Variants in APP observed in about 807,000 individuals in gnomAD.
APP encodes the protein amyloid beta precursor protein.
A neutral mutation model predicts 101.4 loss-of-function variants in APP; 31 were observed. That is an observed-to-expected ratio of 0.31 (90% CI 0.23 to 0.41). The LOEUF is 0.41. Ranked by LOEUF, APP falls within the 10% of genes least tolerant of loss-of-function variation. APP has a pLI of 1.00. For synonymous variants in APP, 366 were observed against 364.4 expected (o/e 1.00, Z -0.05); for missense variants, 839 against 1,003.7 (o/e 0.84, Z 2.22).
At chr21:26,118,678 G>A (rs1361253313) in intron 1 of APP, among the ~76,000 whole-genome samples, 2 of 152,096 alleles carry the variant, frequency 1.3e-5, no homozygotes, top group Non-Finnish European at 2.9e-5. Context: ...TTAACCTCCT[G>A]AGTAGCTGGG....
At chr21:26,052,134 G>T (rs1054497489) in intron 4 of APP, among the ~76,000 whole-genome samples, 2 of 152,094 alleles carry the variant, frequency 1.3e-5, no homozygotes, top group African/African-American at 4.8e-5. Context: ...ATCTTCAGTG[G>T]TATTTTCTGT....
chr21:26,053,272 G>A lies in APP; in HGVS notation c.432C>T (p.Cys144=), dbSNP rs199520480. 4.2e-5 allele frequency: 68 copies of A among 1,613,636 alleles called. No individual in the cohort carries two copies. The highest frequency in any genetic ancestry group is 1.6e-4 in the South Asian group (15 of 91,082). Residue 144 remains cysteine (C), a synonymous_variant, in exon 4 of 18, where the codon TGC becomes TGT. Transcript: ENST00000346798. ...KFLHQERMDV[C]ETHLHWHTVA... ...CGGTGTGCCAGTGAAGATGAGTTTC[G>A]CAAACATCCATCCTCTCCTGGTGTA...
chr21:26,121,319 C>T (rs1200011565), intron 1 of APP, among the ~76,000 whole-genome samples: 1 of 152,188 alleles, frequency 6.6e-6, no homozygotes, highest in Non-Finnish European at 1.5e-5. Context: ...ACTCCTCATA[C>T]CTGCACAGTT....
At chr21:25,883,859 C>T (rs1376657582) in intron 17 of APP, among the ~76,000 whole-genome samples, 1 of 152,172 alleles carries the variant, frequency 6.6e-6, no homozygotes, top group Non-Finnish European at 1.5e-5. Flanking sequence ...AGATATACAG[C>T]TCCCTCATCC....
chr21:26,033,776 C>A (rs958540335), intron 5 of APP, among the ~76,000 whole-genome samples: 1 of 152,118 alleles, frequency 6.6e-6, no homozygotes, highest in Admixed American at 6.6e-5. Context: ...GCTCGTGAAG[C>A]CTACTGAGAA....
intron 3 of APP, among the ~76,000 whole-genome samples, chr21:26,088,732 GA>G (rs2146106934): frequency 6.6e-6 from 1 of 152,154 alleles, no homozygotes; most frequent in South Asian, 2.1e-4. Context: ...TGCACTTTTT[GA>G]TGAACCAGAA....
At chr21:25,939,777 C>T (rs961367751) in intron 13 of APP, among the ~76,000 whole-genome samples, 1 of 151,916 alleles carries the variant, frequency 6.6e-6, no homozygotes, top group Admixed American at 6.6e-5. Flanking sequence ...ATCCTTAAAA[C>T]ACTTAAATTT....
intron 1 of APP, among the ~76,000 whole-genome samples, chr21:26,167,800 A>T (rs1277348128): frequency 1.3e-5 from 2 of 152,336 alleles, no homozygotes; most frequent in East Asian, 3.9e-4. Flanking sequence ...CAGTACTAAT[A>T]GCCTTGCAAA....
intron 8 of APP, chr21:25,997,105 A>G (rs955328782): frequency 1.9e-6 from 1 of 536,164 alleles, no homozygotes; most frequent in African/African-American, 1.9e-5. Flanking sequence ...ATAATATTCA[A>G]TAAAACCAGA....
intron 8 of APP, among the ~76,000 whole-genome samples, chr21:25,987,442 G>A (rs754750708): frequency 3.9e-5 from 6 of 152,172 alleles, no homozygotes; most frequent in Non-Finnish European, 8.8e-5. Context: ...ACATGCATAA[G>A]CTTTTAACTT....
In APP at chr21:25,890,251, A is replaced by G. The variant is rs563508901; in HGVS notation, c.2211+1471T>C. On this transcript the variant is annotated intron_variant, in intron 17 of 17. Transcript: ENST00000346798. ...AATGGGGAAATGAGGCTCCACCCCAATTTCCATCAGCAGCTTCTGTTGTAG... is the reference window on the plus strand; with the variant it reads ...AATGGGGAAATGAGGCTCCACCCCAGTTTCCATCAGCAGCTTCTGTTGTAG... Among the ~76,000 whole-genome samples, 13 of 152,254 alleles carry G rather than the reference A, an allele frequency of 8.5e-5. No homozygotes were observed. In the South Asian group the frequency reaches 2.7e-3, roughly 32 times the overall value.
intron 1 of APP, among the ~76,000 whole-genome samples, chr21:26,162,093 G>A (rs941702070): frequency 2.0e-5 from 3 of 152,178 alleles, no homozygotes; most frequent in East Asian, 1.9e-4. Context: ...TTGGAAGGTC[G>A]AGGCAGGAGG....
At chr21:25,940,797 C>T (rs548639011) in intron 13 of APP, among the ~76,000 whole-genome samples, 2 of 152,260 alleles carry the variant, frequency 1.3e-5, no homozygotes, top group South Asian at 2.1e-4. Flanking sequence ...ATCAGTAATT[C>T]GCAAAGTTTA....
intron 13 of APP, among the ~76,000 whole-genome samples, chr21:25,935,849 A>C (rs1029586305): frequency 6.6e-6 from 1 of 150,652 alleles, no homozygotes; most frequent in African/African-American, 2.4e-5. Flanking sequence ...CAAAAAAAAA[A>C]AAAAAAAAAA....
At chr21:25,889,725 C>T (rs1025097528) in intron 17 of APP, among the ~76,000 whole-genome samples, 1 of 151,978 alleles carries the variant, frequency 6.6e-6, no homozygotes, top group African/African-American at 2.4e-5. Context: ...CCTGTAATCC[C>T]AGTTACTCAG....
At position 26,059,662 on chromosome 21, in the gene APP, G is replaced by T. The variant is rs374150680; in HGVS notation, c.356-6314C>A. On this transcript the variant is annotated intron_variant, in intron 3 of 17. Transcript: ENST00000346798. ...TCCCAGCACTTTGGGAGGCCGAGAC[G>T]GGTGGATCACAAGGTCAGGAGTTCG... 6.6e-5 allele frequency among the ~76,000 whole-genome samples: 10 copies of T among 152,060 alleles called. No individual in the cohort carries two copies. In the East Asian group the frequency reaches 1.4e-3, roughly 21 times the overall value.
At chr21:26,140,759 G>A (rs116901021) in intron 1 of APP, among the ~76,000 whole-genome samples, 3 of 152,302 alleles carry the variant, frequency 2.0e-5, no homozygotes, top group East Asian at 3.9e-4. Flanking sequence ...TCTCATGGGA[G>A]TTTTGGTACT....
At chr21:25,884,811 G>A (rs1408896312) in intron 17 of APP, among the ~76,000 whole-genome samples, 1 of 152,190 alleles carries the variant, frequency 6.6e-6, no homozygotes, top group African/African-American at 2.4e-5. Flanking sequence ...TCTTCCAGGA[G>A]GCACATCTAC....
intron 1 of APP, among the ~76,000 whole-genome samples, chr21:26,139,328 CA>C (rs45489704): frequency 1.3e-5 from 2 of 152,046 alleles, no homozygotes; most frequent in East Asian, 1.9e-4. Context: ...AATAATTGTG[CA>C]AAAAAATCAT....
Sources: gnomAD v4.1 joint callset for allele counts (sites outside exome capture counted in the v4.1 genomes callset) on GRCh38, gnomAD v4.1.1 for gene constraint, MANE v1.5 for transcripts, NCBI Gene and HGNC (gene_info 2026-07-23, HGNC 2026-07-21) for gene names.